The following GLDN variants were observed in gnomAD, a reference collection of about 807,000 sequenced individuals.
The protein encoded by GLDN is collomin.
In GLDN, 47 loss-of-function variants were observed where a neutral mutation model predicts 56.5. The ratio of observed to expected loss-of-function variants is 0.83; its 90% CI spans 0.66 to 1.06. The LOEUF (loss-of-function observed/expected upper bound fraction) is 1.06. GLDN is among the 50% of genes least tolerant of loss of function. The pLI is 0.00. For missense variants in GLDN, 782 were observed against 714.3 expected (o/e 1.09, Z -1.08); for synonymous variants, 332 against 278.8 (o/e 1.19, Z -1.90).
At chr15:51,374,339 A>G (rs1371205772) in intron 1 of GLDN, among the ~76,000 whole-genome samples, 1 of 152,218 alleles carries the variant, frequency 6.6e-6, no homozygotes, top group East Asian at 1.9e-4. Context: ...ATTTTTTAAG[A>G]CAATAAATTT....
intron 1 of GLDN, among the ~76,000 whole-genome samples, chr15:51,372,623 C>A (rs1028219846): frequency 1.3e-5 from 2 of 152,192 alleles, no homozygotes; most frequent in African/African-American, 4.8e-5. Context: ...CCCACCCTCT[C>A]CCCAGCACCA....
At position 51,359,385 on chromosome 15, in the gene GLDN, T is replaced by C. The variant is rs372829417; in HGVS notation, c.363+17338T>C. Among the ~76,000 whole-genome samples the C allele has an allele frequency of 4.6e-5, 7 of 152,346 alleles. No homozygotes were observed. In the East Asian group the frequency reaches 1.3e-3, roughly 29 times the overall value. On this transcript the variant is annotated intron_variant, in intron 1 of 9. Transcript: ENST00000335449. ...GCGAAAAAGAGGCCACAGCTAAGGC[T>C]GCAGGATCCCTGGGAGTTTGGGGAT...
intron 1 of GLDN, among the ~76,000 whole-genome samples, chr15:51,346,804 G>A (rs139429480): frequency 1.8e-4 from 28 of 152,304 alleles, no homozygotes; most frequent in East Asian, 1.5e-3. Context: ...GGTCGCTCAC[G>A]CCTGTAATCC....
intron 2 of GLDN, among the ~76,000 whole-genome samples, chr15:51,381,536 AC>A (rs2037760023): frequency 6.6e-6 from 1 of 151,876 alleles, no homozygotes; most frequent in Non-Finnish European, 1.5e-5. Flanking sequence ...ATCCTCAAAC[AC>A]CTATTTCTCC....
intron 1 of GLDN, among the ~76,000 whole-genome samples, chr15:51,365,409 A>G (rs2037381029): frequency 6.6e-6 from 1 of 152,212 alleles, no homozygotes; most frequent in Non-Finnish European, 1.5e-5. Flanking sequence ...AATAACAATT[A>G]TAATGTTTAT....
intron 2 of GLDN, among the ~76,000 whole-genome samples, chr15:51,378,476 T>C (rs545240929): frequency 7.4e-4 from 113 of 152,224 alleles, no homozygotes; most frequent in Middle Eastern, 6.8e-3. Flanking sequence ...ATGGATGGAA[T>C]TACAGGCACA....
At chr15:51,349,382 G>A (rs1566934567) in intron 1 of GLDN, among the ~76,000 whole-genome samples, 1 of 152,260 alleles carries the variant, frequency 6.6e-6, no homozygotes, top group Non-Finnish European at 1.5e-5. Context: ...AGCAAACTAT[G>A]GCCTGTAGGC....
intron 1 of GLDN, among the ~76,000 whole-genome samples, chr15:51,370,896 G>A (rs1454782820): frequency 6.6e-6 from 1 of 152,146 alleles, no homozygotes; most frequent in Admixed American, 6.5e-5. Flanking sequence ...GAAGGCTGAG[G>A]CAGGAGAATT....
rs141816048 is a variant in GLDN, at chr15:51,404,275, A to G, written c.1179-2A>G. ...CTACTTTTCTTTGTTTGCATATTTCAGATTTGAATTTGGCCAGGAAACATC... is the reference window on the plus strand; with the variant it reads ...CTACTTTTCTTTGTTTGCATATTTCGGATTTGAATTTGGCCAGGAAACATC... On this transcript the variant is annotated splice_acceptor_variant, in intron 9 of 9. Transcript: ENST00000335449. LOFTEE classifies it high-confidence loss of function. The G allele has an allele frequency of 1.7e-5, 27 of 1,574,240 alleles. No individual in the cohort carries two copies. The highest frequency in any genetic ancestry group is 2.3e-5 in the Non-Finnish European group (27 of 1,163,298).
intron 6 of GLDN, among the ~76,000 whole-genome samples, chr15:51,399,864 C>T (rs758388759): frequency 6.6e-6 from 1 of 152,226 alleles, no homozygotes; most frequent in Non-Finnish European, 1.5e-5. Flanking sequence ...CATCAGCAAG[C>T]CTCTCATTTC....
chr15:51,394,798 C>G lies in GLDN; in HGVS notation c.542-37C>G, dbSNP rs750830075. ...TAAAGTGGTGTGCCAGAACTTTTTG[C>G]ACCATAGGCTAATATGTCTTTTGTT... On this transcript the variant is annotated intron_variant, in intron 4 of 9. Coordinates refer to ENST00000335449, the MANE Select transcript of GLDN (RefSeq NM_181789.4). 5 of 1,611,926 alleles carry G rather than the reference C, an allele frequency of 3.1e-6. No individual in the cohort carries two copies. In the South Asian group the frequency reaches 5.5e-5, roughly 18 times the overall value.
At chr15:51,377,369 G>A in intron 1 of GLDN, 80 bp from the exon 2 acceptor site, 1 of 1,225,146 alleles carries the variant, frequency 8.2e-7, no homozygotes, top group South Asian at 1.3e-5. Flanking sequence ...TTTTATGATT[G>A]CTTTCTGCTC....
chr15:51,400,858 C>G (rs1183182738), intron 8 of GLDN, among the ~76,000 whole-genome samples: 1 of 152,226 alleles, frequency 6.6e-6, no homozygotes, highest in Non-Finnish European at 1.5e-5. Context: ...ATCCATCTTT[C>G]TCTAAGGTTG....
rs1382347706 is a variant in GLDN at position 51,404,394 on chromosome 15, G to A, written c.1296G>A (p.Lys432=). Residue 432 remains lysine (K), a synonymous_variant, in exon 10 of 10, where the codon AAG becomes AAA. Transcript: ENST00000335449. ...ACTTCAATCTAGCTGTAGATGAAAAGGGCCTTTGGATTATCTATGCGTCAA... is the reference window on the plus strand; with the variant it reads ...ACTTCAATCTAGCTGTAGATGAAAAAGGCCTTTGGATTATCTATGCGTCAA... ...KTYFNLAVDE[K]GLWIIYASSV... is the part of the protein sequence containing the mutation. The A allele has an allele frequency of 1.2e-6, 2 of 1,614,148 alleles. No homozygotes were observed. The highest frequency in any genetic ancestry group is 1.7e-6 in the Non-Finnish European group (2 of 1,180,032).
chr15:51,407,026 A>T lies in GLDN; in HGVS notation c.*2272A>T, dbSNP rs1049532907. 1.1e-4 allele frequency: 17 copies of T among 152,226 alleles called. No individual in the cohort carries two copies. The highest frequency in any genetic ancestry group is 3.9e-4 in the African/African-American group (16 of 41,466). The allele number at this position is 152,226 out of a possible 1,614,324, so 9.4% of individuals were successfully genotyped here. On this transcript the variant is annotated 3_prime_UTR_variant, in exon 10 of 10. Transcript: ENST00000335449. ...AGGTAGCAACCAAAAGAGGTTGTTA[A>T]TTAGCACATATTCCTTTTAGAAAAA...
chr15:51,400,337 G>A (rs376878868), intron 7 of GLDN, 36 bp from the exon 8 acceptor site: 5 of 1,614,048 alleles, frequency 3.1e-6, no homozygotes, highest in African/African-American at 1.3e-5. Flanking sequence ...GTCATAATTG[G>A]CAGGCAAGTG....
chr15:51,381,234 TG>T (rs2037752329), intron 2 of GLDN, among the ~76,000 whole-genome samples: 1 of 152,262 alleles, frequency 6.6e-6, no homozygotes, highest in South Asian at 2.1e-4. Flanking sequence ...GTTATCAGAC[TG>T]TCGTGAGAAC....
intron 1 of GLDN, among the ~76,000 whole-genome samples, chr15:51,375,017 C>T (rs956461705): frequency 6.6e-6 from 1 of 152,206 alleles, no homozygotes; most frequent in Non-Finnish European, 1.5e-5. Flanking sequence ...ACATGATCCA[C>T]CACACCAGGC....
chr15:51,347,465 A>G (rs1022521893), intron 1 of GLDN, among the ~76,000 whole-genome samples: 2 of 152,102 alleles, frequency 1.3e-5, no homozygotes, highest in Non-Finnish European at 2.9e-5. Context: ...AGTGTATTTT[A>G]TGTGTGGCCC....
Sources: allele counts gnomAD v4.1 joint callset (sites outside exome capture counted in the v4.1 genomes callset), GRCh38; gene constraint gnomAD v4.1.1; transcripts MANE v1.5; gene names NCBI Gene and HGNC (gene_info 2026-07-23, HGNC 2026-07-21).